The following TBCA variants were observed in gnomAD, a reference collection of about 807,000 sequenced individuals.
TBCA encodes tubulin-specific chaperone A.
Under a neutral mutation model 15.8 loss-of-function variants are expected in TBCA, and 6 were observed. That is an observed-to-expected ratio of 0.38 (90% CI 0.21 to 0.75). TBCA has a LOEUF of 0.75. TBCA is among the 30% of genes least tolerant of loss of function. The pLI is 0.46. For synonymous variants in TBCA, 32 were observed against 42.3 expected, an observed-to-expected ratio of 0.76 and a Z score of 0.94; for missense variants, 90 against 131.2, an observed-to-expected ratio of 0.69 and a Z score of 1.53.
chr5:77,692,795 T>A (rs1745784387), intron 3 of TBCA: 3 of 1,030,120 alleles, frequency 2.9e-6, no homozygotes, highest in African/African-American at 3.5e-5. Context: ...CAAGTTAGTA[T>A]GAGGGGACTA....
chr5:77,764,878 G>T (rs954086408), intron 1 of TBCA, among the ~76,000 whole-genome samples: 2 of 152,128 alleles, frequency 1.3e-5, no homozygotes, highest in African/African-American at 2.4e-5. Context: ...CTTGCTTGAT[G>T]TGATCTGAAT....
chr5:77,697,514 T>C lies in TBCA; in HGVS notation c.160-4162A>G, dbSNP rs1398133540. On this transcript the variant is annotated intron_variant, in intron 2 of 3. Coordinates refer to ENST00000380377, the MANE Select transcript of TBCA (RefSeq NM_004607.3). Reference sequence around the variant, plus strand: ...CTACTTAGAAATTAAACAACATACTTTAAGTAGCCCATGGGCCAAAAAAAA... The same window carrying C: ...CTACTTAGAAATTAAACAACATACTCTAAGTAGCCCATGGGCCAAAAAAAA... Among the ~76,000 whole-genome samples, 3 of 151,978 alleles carry C rather than the reference T, an allele frequency of 2.0e-5. No individual in the cohort carries two copies. The East Asian group carries it at 5.8e-4, about 29-fold the overall frequency.
At chr5:77,733,039 T>G (rs1242668549) in intron 1 of TBCA, among the ~76,000 whole-genome samples, 1 of 152,206 alleles carries the variant, frequency 6.6e-6, no homozygotes, top group Admixed American at 6.5e-5. Context: ...CCCAGCACTT[T>G]GGGAGGCTGA....
At chr5:77,705,315 G>A (rs1257919239) in intron 2 of TBCA, among the ~76,000 whole-genome samples, 4 of 152,004 alleles carry the variant, frequency 2.6e-5, no homozygotes, top group Non-Finnish European at 4.4e-5. Flanking sequence ...GACTAAATGA[G>A]GTCACTAGCT....
intron 2 of TBCA, among the ~76,000 whole-genome samples, chr5:77,693,889 T>C (rs1283135421): frequency 6.6e-6 from 1 of 152,114 alleles, no homozygotes; most frequent in Non-Finnish European, 1.5e-5. Flanking sequence ...TAAATCTTTT[T>C]GGTAATCACC....
chr5:77,705,225 TA>T (rs759722401), intron 2 of TBCA, among the ~76,000 whole-genome samples: 8 of 152,206 alleles, frequency 5.3e-5, no homozygotes, highest in Non-Finnish European at 1.0e-4. Context: ...CTACTCCATG[TA>T]ACTGATAACT....
At chr5:77,729,021 T>C (rs1746697349) in intron 1 of TBCA, among the ~76,000 whole-genome samples, 1 of 152,134 alleles carries the variant, frequency 6.6e-6, no homozygotes, top group African/African-American at 2.4e-5. Flanking sequence ...AGAATTGTAT[T>C]TTTAAATACA....
chr5:77,693,946 T>C (rs145053478), intron 2 of TBCA, among the ~76,000 whole-genome samples: 1,877 of 152,296 alleles, frequency 0.012, 40 homozygotes, highest in African/African-American at 0.043. Flanking sequence ...TCATAGAGCA[T>C]TTATTTTAAA....
chr5:77,745,954 C>T (rs1747175522), intron 1 of TBCA, among the ~76,000 whole-genome samples: 1 of 152,172 alleles, frequency 6.6e-6, no homozygotes, highest in Non-Finnish European at 1.5e-5. Flanking sequence ...GAAAGATGAG[C>T]TTCTGTATGC....
chr5:77,769,158 A>G (rs1374208856), intron 1 of TBCA, among the ~76,000 whole-genome samples: 1 of 152,212 alleles, frequency 6.6e-6, no homozygotes, highest in East Asian at 1.9e-4. Flanking sequence ...TGTGGTGAAG[A>G]GCTGACCACC....
At chr5:77,697,531 CAA>C (rs776736488) in intron 2 of TBCA, among the ~76,000 whole-genome samples, 1 of 149,842 alleles carries the variant, frequency 6.7e-6, no homozygotes, top group Non-Finnish European at 1.5e-5. Flanking sequence ...GCCCATGGGC[CAA>C]AAAAAAGTCT....
At chr5:77,738,254 G>A (rs1271865198) in intron 1 of TBCA, among the ~76,000 whole-genome samples, 1 of 152,162 alleles carries the variant, frequency 6.6e-6, no homozygotes, top group African/African-American at 2.4e-5. Flanking sequence ...ATATTGCAGT[G>A]CTGCTTACTT....
intron 2 of TBCA, among the ~76,000 whole-genome samples, chr5:77,707,043 T>C (rs988269710): frequency 3.3e-5 from 5 of 152,086 alleles, no homozygotes; most frequent in Non-Finnish European, 7.4e-5. Context: ...AAGATTTTAA[T>C]TTTGAACACC....
chr5:77,758,204 T>C (rs1747522066), intron 1 of TBCA, among the ~76,000 whole-genome samples: 1 of 152,138 alleles, frequency 6.6e-6, no homozygotes. Flanking sequence ...TTATACTCAG[T>C]ACCTGTTTTA....
chr5:77,720,317 CTAGA>C (rs1324874382), intron 1 of TBCA, among the ~76,000 whole-genome samples: 30 of 152,230 alleles, frequency 2.0e-4, no homozygotes, highest in African/African-American at 7.2e-4. Context: ...TATACAATTA[CTAGA>C]TAAAGTAGGA....
chr5:77,766,005 A>T (rs1304175719), intron 1 of TBCA, among the ~76,000 whole-genome samples: 3 of 152,190 alleles, frequency 2.0e-5, no homozygotes, highest in African/African-American at 7.2e-5. Flanking sequence ...ATACTGCATA[A>T]CTTAACAATG....
intron 2 of TBCA, among the ~76,000 whole-genome samples, chr5:77,698,988 G>GT: frequency 7.9e-6 from 1 of 127,274 alleles, no homozygotes; most frequent in Admixed American, 9.3e-5. Flanking sequence ...AACAAATATG[G>GT]TATGTGGAAA....
intron 1 of TBCA, among the ~76,000 whole-genome samples, chr5:77,750,162 C>T (rs1484354742): frequency 2.7e-5 from 4 of 149,020 alleles, no homozygotes; most frequent in Non-Finnish European, 5.9e-5. Context: ...AGAGAGAGCA[C>T]AAATATATAT....
intron 1 of TBCA, among the ~76,000 whole-genome samples, chr5:77,765,511 A>G (rs1747750526): frequency 1.3e-5 from 2 of 152,216 alleles, no homozygotes; most frequent in Non-Finnish European, 2.9e-5. Context: ...CTGAAGCCCA[A>G]GTCCTTACAT....
Sources: allele counts gnomAD v4.1 joint callset (sites outside exome capture counted in the v4.1 genomes callset), GRCh38; gene constraint gnomAD v4.1.1; transcripts MANE v1.5; gene names NCBI Gene and HGNC (gene_info 2026-07-23, HGNC 2026-07-21).